Variants in ANKS1A observed in about 807,000 individuals in gnomAD.
ANKS1A encodes ankyrin repeat and sterile alpha motif domain containing 1A.
ANKS1A carries 55 observed loss-of-function variants against 120.3 expected under a neutral mutation model. The observed-to-expected ratio is 0.46, with a 90% confidence interval of 0.37 to 0.57. The LOEUF (loss-of-function observed/expected upper bound fraction) is 0.57. ANKS1A is among the 20% of genes least tolerant of loss of function. The pLI, the probability that ANKS1A is intolerant of heterozygous loss-of-function variation, is 0.00. For synonymous variants in ANKS1A, 590 were observed against 604.7 expected, an observed-to-expected ratio of 0.98 and a Z score of 0.36; for missense variants, 1,123 against 1,480.3, an observed-to-expected ratio of 0.76 and a Z score of 3.96.
At chr6:34,954,754 T>C (rs1366480665) in intron 1 of ANKS1A, among the ~76,000 whole-genome samples, 1 of 152,228 alleles carries the variant, frequency 6.6e-6, no homozygotes, top group East Asian at 1.9e-4. Context: ...CCTTTGTGCA[T>C]CAGTCCCACT....
At chr6:35,079,150 G>A (rs1009838796) in intron 14 of ANKS1A, among the ~76,000 whole-genome samples, 1 of 152,186 alleles carries the variant, frequency 6.6e-6, no homozygotes, top group East Asian at 1.9e-4. Flanking sequence ...CCTTCTACCT[G>A]TCCAGAGCTT....
Position 35,058,931 on chromosome 6 carries a change from C to T in ANKS1A, c.2078-1216C>T, listed in dbSNP as rs187109243. On this transcript the variant is annotated intron_variant, in intron 12 of 23. Transcript: ENST00000360359. The surrounding 1 kb of genome is among the most constrained non-coding windows in gnomAD (Gnocchi z 5.1). ...TTCCCTGCTCATCCTTAGAGGAGAA[C>T]GCCAAGATCCAGAGACCCTGGGACG... Among the ~76,000 whole-genome samples, 3 of 152,316 alleles carry T rather than the reference C, an allele frequency of 2.0e-5. No individual in the cohort carries two copies. Among genetic ancestry groups the T allele is most frequent in the East Asian group, 1.9e-4 (1 of 5,176 alleles).
chr6:35,086,249 C>G lies in ANKS1A; in HGVS notation c.3303+313C>G, dbSNP rs1777970086. On this transcript the variant is annotated intron_variant, in intron 22 of 23. Transcript: ENST00000360359. The surrounding 1 kb of genome is among the most constrained non-coding windows in gnomAD (Gnocchi z 5.1). ...AACTGCGCCATCCCTGTGTCTGTGT[C>G]TGCTTTGCTCTGCACCCCAGGTGCC... 1 of 1,357,998 alleles carries G rather than the reference C, an allele frequency of 7.4e-7. No individual in the cohort carries two copies. Among genetic ancestry groups the G allele is most frequent in the South Asian group, 1.2e-5 (1 of 81,594 alleles). 84.1% of individuals were successfully genotyped at this position (1,357,998 alleles called of 1,614,324 possible). A position where few individuals can be genotyped will look rare whatever the true frequency, so the allele number is the denominator to read the frequency against.
At chr6:34,917,343 G>T (rs1768216439) in intron 1 of ANKS1A, among the ~76,000 whole-genome samples, 1 of 152,212 alleles carries the variant, frequency 6.6e-6, no homozygotes, top group Non-Finnish European at 1.5e-5. Flanking sequence ...TGGAGAGGCA[G>T]CGTTGACTCA....
chr6:35,001,210 T>A (rs910577557), intron 10 of ANKS1A, among the ~76,000 whole-genome samples: 9 of 152,212 alleles, frequency 5.9e-5, no homozygotes, highest in African/African-American at 1.7e-4. Context: ...TTTAGCTTTC[T>A]TTGGTCTAAA....
At chr6:34,933,649 T>A (rs999027524) in intron 1 of ANKS1A, among the ~76,000 whole-genome samples, 43 of 152,360 alleles carry the variant, frequency 2.8e-4, no homozygotes, top group African/African-American at 1.0e-3. Flanking sequence ...AGGCTGTTTT[T>A]AAATAAATTT....
At chr6:35,079,453 G>A in intron 14 of ANKS1A, 63 bp from the exon 15 acceptor site, 1 of 1,594,922 alleles carries the variant, frequency 6.3e-7, no homozygotes, top group Non-Finnish European at 8.5e-7. Context: ...TGGGTCCATG[G>A]TCCTCGGGTC....
Position 34,967,276 on chromosome 6 carries a change from A to G in ANKS1A, c.235A>G (p.Thr79Ala). The change falls in exon 2 of 24, where the codon ACT (threonine) becomes GCT (alanine). Residue 79 changes from threonine (T) to alanine (A), a missense_variant. Transcript: ENST00000360359. Reference sequence around the variant, plus strand: ...GCCAAATGTGAACTGTGTTGACAGCACTGGCTACACACCCCTGCACCATGC... The same window carrying G: ...GCCAAATGTGAACTGTGTTGACAGCGCTGGCTACACACCCCTGCACCATGC... ...RGPNVNCVDS[T>A]GYTPLHHAAL... 1 of 1,613,786 alleles carries G rather than the reference A, an allele frequency of 6.2e-7. No homozygotes were observed. Among genetic ancestry groups the G allele is most frequent in the Non-Finnish European group, 8.5e-7 (1 of 1,179,982 alleles).
At chr6:35,008,247 C>T (rs1773564041) in intron 10 of ANKS1A, among the ~76,000 whole-genome samples, 1 of 152,064 alleles carries the variant, frequency 6.6e-6, no homozygotes, top group Non-Finnish European at 1.5e-5. Flanking sequence ...CGGGGTCTCG[C>T]TCCATTGCTA....
At chr6:35,039,155 G>T (rs1775330869) in intron 11 of ANKS1A, among the ~76,000 whole-genome samples, 1 of 146,728 alleles carries the variant, frequency 6.8e-6, no homozygotes. Context: ...CAATCAACAT[G>T]CAGAACTATT....
In ANKS1A at chr6:34,954,554, G is replaced by A. The variant is rs114808261; in HGVS notation, c.198-12685G>A. Among the ~76,000 whole-genome samples, 448 of 152,274 alleles carry A rather than the reference G, an allele frequency of 2.9e-3. 2 individuals are homozygous for A. Among genetic ancestry groups the A allele is most frequent in the African/African-American group, 9.5e-3 (394 of 41,542 alleles). Reference sequence around the variant, plus strand: ...AGGAGGCCATCCTTCCAAGTTTCTCGTGTGACTTGTGTCACGTGTGCAATT... The same window carrying A: ...AGGAGGCCATCCTTCCAAGTTTCTCATGTGACTTGTGTCACGTGTGCAATT... On this transcript the variant is annotated intron_variant, in intron 1 of 23. Coordinates refer to ENST00000360359, the MANE Select transcript of ANKS1A (RefSeq NM_015245.3).
chr6:34,998,525 T>C (rs1772972723), intron 10 of ANKS1A, among the ~76,000 whole-genome samples: 1 of 152,200 alleles, frequency 6.6e-6, no homozygotes, highest in Admixed American at 6.5e-5. Flanking sequence ...GTTAAAATTC[T>C]ACCCCTGACC....
intron 12 of ANKS1A, among the ~76,000 whole-genome samples, chr6:35,059,574 G>A (rs1031067274): frequency 2.6e-5 from 4 of 152,330 alleles, no homozygotes; most frequent in African/African-American, 7.2e-5. Flanking sequence ...CGGAGCCCTC[G>A]CTGTGTGCCT....
intron 10 of ANKS1A, among the ~76,000 whole-genome samples, chr6:35,015,202 A>G (rs1484489444): frequency 1.3e-5 from 2 of 152,198 alleles, no homozygotes; most frequent in Non-Finnish European, 2.9e-5. Context: ...CAAAGTGGTC[A>G]AGTGTAGAGG....
intron 1 of ANKS1A, among the ~76,000 whole-genome samples, chr6:34,896,327 C>T (rs761728038): frequency 6.6e-6 from 1 of 152,106 alleles, no homozygotes; most frequent in Non-Finnish European, 1.5e-5. Context: ...GCCTCGGCCT[C>T]CCAAAGTGCT....
chr6:34,994,357 A>T lies in ANKS1A; in HGVS notation c.1358A>T (p.His453Leu). The change falls in exon 10 of 24, where the codon CAC becomes CTC. Residue 453 changes from histidine (H) to leucine (L), a missense_variant. Around this residue, in one of 3 missense-constraint regions of ANKS1A, gnomAD observed 904 missense variants for 1,130.4 expected, o/e 0.80. Transcript: ENST00000360359. Reference protein sequence around the residue: ...HGSAAREEDEHPYELLLTAET... With the variant: ...HGSAAREEDELPYELLLTAET... ...AGTGCAGCCCGGGAAGAAGACGAAC[A>T]CCCTTATGAACTGTTGTTAACAGCA... The T allele has an allele frequency of 6.2e-7, 1 of 1,613,754 alleles. No individual in the cohort carries two copies. The highest frequency in any genetic ancestry group is 8.5e-7 in the Non-Finnish European group (1 of 1,179,736).
At chr6:34,978,185 T>A (rs928395382) in intron 3 of ANKS1A, among the ~76,000 whole-genome samples, 1 of 152,118 alleles carries the variant, frequency 6.6e-6, no homozygotes, top group Non-Finnish European at 1.5e-5. Context: ...CTCTATCTCC[T>A]GACCTCATGA....
rs1366208722 is a variant in ANKS1A at position 35,057,493 on chromosome 6, G to A, written c.2078-2654G>A. ...TCATCTACAGCCTATTGGGATACCA[G>A]TATCTCCCAGCATATTTAGAGGGTA... On this transcript the variant is annotated intron_variant, in intron 12 of 23. Transcript: ENST00000360359. This position sits in a 1 kb window ranked among gnomAD's most constrained non-coding sequence, Gnocchi z 4.1. 6.6e-6 allele frequency among the ~76,000 whole-genome samples: 1 copy of A among 152,212 alleles called. No homozygotes were observed. Among genetic ancestry groups the A allele is most frequent in the Non-Finnish European group, 1.5e-5 (1 of 68,038 alleles).
At chr6:35,051,883 C>T (rs1459703884) in intron 11 of ANKS1A, among the ~76,000 whole-genome samples, 5 of 152,176 alleles carry the variant, frequency 3.3e-5, no homozygotes, top group Admixed American at 6.5e-5. Context: ...GACAACAGAG[C>T]GGAAGTGGAA....
Sources: allele counts gnomAD v4.1 joint callset (sites outside exome capture counted in the v4.1 genomes callset), GRCh38; gene constraint gnomAD v4.1.1; regional missense constraint gnomAD v4.1.1; non-coding constraint Gnocchi (gnomAD v3.1); transcripts MANE v1.5; gene names NCBI Gene and HGNC (gene_info 2026-07-23, HGNC 2026-07-21).